PLPP4: variants seen among roughly 807,000 people sequenced by gnomAD.
PLPP4 encodes phospholipid phosphatase 4, also known as diacylglycerol pyrophosphate like 2.
Under a neutral mutation model 32.2 loss-of-function variants are expected in PLPP4, and 20 were observed. That is an observed-to-expected ratio of 0.62 (90% CI 0.44 to 0.90). The LOEUF (loss-of-function observed/expected upper bound fraction) is 0.90. PLPP4 is among the 40% of genes least tolerant of loss of function. The pLI is 0.00. For missense variants in PLPP4, 257 were observed against 353.1 expected (o/e 0.73, Z 2.18); for synonymous variants, 127 against 133.0 (o/e 0.95, Z 0.31).
intron 1 of PLPP4, among the ~76,000 whole-genome samples, chr10:120,486,379 T>A (rs142529776): frequency 0.01 from 1,571 of 152,188 alleles, 12 homozygotes; most frequent in Non-Finnish European, 0.016. Context: ...CAATACCAAT[T>A]AGCTAGTATG....
At chr10:120,492,346 A>G (rs537602604) in intron 1 of PLPP4, among the ~76,000 whole-genome samples, 1 of 152,238 alleles carries the variant, frequency 6.6e-6, no homozygotes, top group African/African-American at 2.4e-5. Context: ...GGGGTGATGC[A>G]TGTGGTTTCT....
At chr10:120,484,113 A>G (rs1844336016) in intron 1 of PLPP4, among the ~76,000 whole-genome samples, 1 of 152,218 alleles carries the variant, frequency 6.6e-6, no homozygotes, top group African/African-American at 2.4e-5. Context: ...GTGATGTGCT[A>G]GTAAGTGAGC....
chr10:120,478,523 G>T (rs1844037827), intron 1 of PLPP4, among the ~76,000 whole-genome samples: 1 of 152,204 alleles, frequency 6.6e-6, no homozygotes, highest in Admixed American at 6.5e-5. Context: ...GATACACAGA[G>T]AAAATGGATA....
At chr10:120,470,497 C>T (rs897874609) in intron 1 of PLPP4, among the ~76,000 whole-genome samples, 2 of 152,132 alleles carry the variant, frequency 1.3e-5, no homozygotes, top group African/African-American at 4.8e-5. Context: ...TTTAGAAAGT[C>T]GTTTCCCACC....
intron 5 of PLPP4, among the ~76,000 whole-genome samples, chr10:120,557,146 A>G (rs1848199382): frequency 6.6e-6 from 1 of 152,222 alleles, no homozygotes; most frequent in African/African-American, 2.4e-5. Context: ...ACAAATGGCC[A>G]GTCTCAGGTG....
In PLPP4 at chr10:120,526,886, T is replaced by G. The variant is rs186886009; in HGVS notation, c.445+5791T>G. ...GCAGGGCCCTGCCTGGTGAATGGGC[T>G]GCCTCTCATCAGCACCACCCTCTGC... On this transcript the variant is annotated intron_variant, in intron 5 of 6. Coordinates refer to ENST00000398250, the MANE Select transcript of PLPP4 (RefSeq NM_001030059.3). 2.0e-5 allele frequency among the ~76,000 whole-genome samples: 3 copies of G among 152,316 alleles called. No individual in the cohort carries two copies. The East Asian group carries it at 5.8e-4, about 29-fold the overall frequency.
At chr10:120,482,289 T>C (rs1844241632) in intron 1 of PLPP4, among the ~76,000 whole-genome samples, 1 of 152,200 alleles carries the variant, frequency 6.6e-6, no homozygotes, top group African/African-American at 2.4e-5. Context: ...TGTATCGTTT[T>C]GACCAAAATG....
At chr10:120,568,371 G>A (rs12245919) in intron 5 of PLPP4, among the ~76,000 whole-genome samples, 13,886 of 152,154 alleles carry the variant, frequency 0.091, 922 homozygotes, top group African/African-American at 0.17. Context: ...ATGACATCTC[G>A]TAAAAGGCAG....
At chr10:120,489,923 C>T (rs1036529603) in intron 1 of PLPP4, among the ~76,000 whole-genome samples, 7 of 152,128 alleles carry the variant, frequency 4.6e-5, no homozygotes, top group Admixed American at 3.9e-4. Flanking sequence ...ATTTATTGAG[C>T]ACCTACTGCA....
chr10:120,560,627 C>T (rs1848389389), intron 5 of PLPP4, among the ~76,000 whole-genome samples: 1 of 152,058 alleles, frequency 6.6e-6, no homozygotes, highest in Non-Finnish European at 1.5e-5. Context: ...CCGTGGTGTG[C>T]ACCTGTAATC....
intron 6 of PLPP4, among the ~76,000 whole-genome samples, chr10:120,580,057 T>C (rs372714645): frequency 2.1e-5 from 3 of 145,264 alleles, no homozygotes; most frequent in African/African-American, 7.7e-5. Flanking sequence ...GAGGCAGAGC[T>C]TGCAGCGAGC....
At chr10:120,494,436 G>A (rs1307362928) in intron 1 of PLPP4, among the ~76,000 whole-genome samples, 2 of 152,182 alleles carry the variant, frequency 1.3e-5, no homozygotes, top group Non-Finnish European at 2.9e-5. Flanking sequence ...CAGAATCTGT[G>A]CCCCCACAGT....
At chr10:120,572,863 C>T (rs1274792493) in intron 5 of PLPP4, among the ~76,000 whole-genome samples, 4 of 152,204 alleles carry the variant, frequency 2.6e-5, no homozygotes, top group African/African-American at 4.8e-5. Context: ...CACTTTGGAA[C>T]ATCATGTAAA....
chr10:120,580,784 T>C, intron 6 of PLPP4: 1 of 807,802 alleles, frequency 1.2e-6, no homozygotes. Context: ...CTTGGAACAA[T>C]ATGATTGTTT....
intron 1 of PLPP4, among the ~76,000 whole-genome samples, chr10:120,460,092 G>T (rs1847972986): frequency 6.6e-6 from 1 of 152,200 alleles, no homozygotes; most frequent in Non-Finnish European, 1.5e-5. Flanking sequence ...CGCTGGGAAG[G>T]AAATTAGTAG....
chr10:120,540,262 T>C (rs889034691), intron 5 of PLPP4, among the ~76,000 whole-genome samples: 1 of 152,232 alleles, frequency 6.6e-6, no homozygotes, highest in African/African-American at 2.4e-5. Context: ...CTCCTGTGGC[T>C]AAGGTTTTAA....
At chr10:120,561,579 T>C (rs536220308) in intron 5 of PLPP4, among the ~76,000 whole-genome samples, 1 of 152,334 alleles carries the variant, frequency 6.6e-6, no homozygotes, top group Non-Finnish European at 1.5e-5. Context: ...ATAAGACAAA[T>C]CTCCTTGGAT....
At chr10:120,576,092 C>CTAGG (rs1352661228) in intron 6 of PLPP4, among the ~76,000 whole-genome samples, 1 of 152,128 alleles carries the variant, frequency 6.6e-6, no homozygotes, top group Admixed American at 6.5e-5. Flanking sequence ...ATTGGACTCT[C>CTAGG]TAGGGGTGCA....
chr10:120,509,291 C>T (rs1163743059), intron 2 of PLPP4, among the ~76,000 whole-genome samples: 1 of 152,196 alleles, frequency 6.6e-6, no homozygotes, highest in Non-Finnish European at 1.5e-5. Flanking sequence ...AAAGAGGTTA[C>T]ATGATTTGCT....
Sources: gnomAD v4.1 joint callset for allele counts (sites outside exome capture counted in the v4.1 genomes callset) on GRCh38, gnomAD v4.1.1 for gene constraint, MANE v1.5 for transcripts, NCBI Gene and HGNC (gene_info 2026-07-23, HGNC 2026-07-21) for gene names.